Variants in GSTCD observed in about 807,000 individuals in gnomAD.
GSTCD encodes glutathione S-transferase C-terminal domain-containing protein.
A neutral mutation model predicts 68.3 loss-of-function variants in GSTCD; 44 were observed. The observed-to-expected ratio is 0.64, with a 90% CI of 0.51 to 0.83. GSTCD has a LOEUF of 0.83. GSTCD is among the 40% of genes least tolerant of loss of function. GSTCD has a pLI of 0.00. For missense variants in GSTCD, 739 were observed against 735.9 expected, an observed-to-expected ratio of 1.00 and a Z score of -0.05; for synonymous variants, 273 against 255.2, an observed-to-expected ratio of 1.07 and a Z score of -0.67.
At chr4:105,732,234 T>G (rs1176062008) in intron 5 of GSTCD, among the ~76,000 whole-genome samples, 2 of 152,228 alleles carry the variant, frequency 1.3e-5, no homozygotes, top group Non-Finnish European at 2.9e-5. Context: ...TTCCCTCTTT[T>G]GCTATTGATT....
Position 105,836,533 on chromosome 4 carries a change from T to G in GSTCD, c.1665-1326T>G, listed in dbSNP as rs145333376. On this transcript the variant is annotated intron_variant, in intron 9 of 11. Coordinates refer to ENST00000515279, the MANE Select transcript of GSTCD (RefSeq NM_001370181.1). The stretch of plus-strand genomic sequence containing the variant: ...GTGCCCATGGCACCCAGGCTGTTTG[T>G]GCCAAGGGGTGCCTGCAGGCCCATG... 5.6e-4 allele frequency among the ~76,000 whole-genome samples: 85 copies of G among 152,088 alleles called. No individual in the cohort carries two copies. The East Asian group carries it at 0.017, about 30-fold the overall frequency.
chr4:105,809,147 G>A (rs1560839590), intron 5 of GSTCD, among the ~76,000 whole-genome samples: 1 of 152,046 alleles, frequency 6.6e-6, no homozygotes, highest in Admixed American at 6.6e-5. Context: ...ATGAAGAAGG[G>A]AAAAGAATCC....
intron 5 of GSTCD, chr4:105,761,152 C>T (rs1358122647): frequency 5.6e-5 from 10 of 180,126 alleles, no homozygotes; most frequent in South Asian, 2.8e-4. Context: ...TATAGGAGCC[C>T]GCCACCATAT....
intron 11 of GSTCD, among the ~76,000 whole-genome samples, chr4:105,844,061 T>A (rs1724460093): frequency 6.6e-6 from 1 of 152,170 alleles, no homozygotes; most frequent in African/African-American, 2.4e-5. Context: ...CACTTCAACA[T>A]GTGAAAACAT....
chr4:105,726,478 T>C, intron 3 of GSTCD, 101 bp from the exon 4 acceptor site: 1 of 718,688 alleles, frequency 1.4e-6, no homozygotes, highest in Non-Finnish European at 2.2e-6. Flanking sequence ...GTTTGAACTA[T>C]ACACTTAAAT....
At chr4:105,709,995 T>C (rs867588050) in intron 1 of GSTCD, among the ~76,000 whole-genome samples, 2 of 151,880 alleles carry the variant, frequency 1.3e-5, no homozygotes, top group Admixed American at 6.6e-5. Flanking sequence ...AACTGCCTGA[T>C]GGGGAGCATA....
At chr4:105,774,834 G>A (rs1284423844) in intron 5 of GSTCD, among the ~76,000 whole-genome samples, 4 of 152,024 alleles carry the variant, frequency 2.6e-5, no homozygotes, top group African/African-American at 7.2e-5. Flanking sequence ...GTGTCTTGGG[G>A]CTACTCTTCT....
chr4:105,755,956 A>T (rs1295360949), intron 5 of GSTCD, among the ~76,000 whole-genome samples: 1 of 152,192 alleles, frequency 6.6e-6, no homozygotes, highest in East Asian at 1.9e-4. Context: ...CATGGTTCCC[A>T]CCACTGGCCA....
intron 5 of GSTCD, among the ~76,000 whole-genome samples, chr4:105,742,085 T>G (rs1279595032): frequency 6.6e-6 from 1 of 152,176 alleles, no homozygotes; most frequent in African/African-American, 2.4e-5. Flanking sequence ...AACGACTGAC[T>G]CTTTATGCTG....
At chr4:105,736,623 T>C (rs563536615) in intron 5 of GSTCD, among the ~76,000 whole-genome samples, 1 of 152,300 alleles carries the variant, frequency 6.6e-6, no homozygotes, top group African/African-American at 2.4e-5. Flanking sequence ...CAAAATCTGC[T>C]CTTCCAGCTG....
At chr4:105,792,679 T>A (rs907354192) in intron 5 of GSTCD, among the ~76,000 whole-genome samples, 6 of 152,080 alleles carry the variant, frequency 3.9e-5, no homozygotes, top group Non-Finnish European at 2.9e-5. Flanking sequence ...TAATATCATG[T>A]TGAGTAGGGT....
In GSTCD at chr4:105,846,019, A is replaced by G. The variant is rs1724532948; in HGVS notation, c.*442A>G. On this transcript the variant is annotated 3_prime_UTR_variant, in exon 12 of 12. Transcript: ENST00000515279. Reference sequence around the variant, plus strand: ...TTTTTTGTTTTTTATATTTTTAACAATTGTACTTTTTCTATCACTTTAAAA... The same window carrying G: ...TTTTTTGTTTTTTATATTTTTAACAGTTGTACTTTTTCTATCACTTTAAAA... 1 of 158,406 alleles carries G rather than the reference A, an allele frequency of 6.3e-6. No homozygotes were observed. Among genetic ancestry groups the G allele is most frequent in the Admixed American group, 6.0e-5 (1 of 16,746 alleles). 9.8% of individuals were successfully genotyped at this position (158,406 alleles called of 1,614,324 possible).
intron 7 of GSTCD, 76 bp from the exon 8 acceptor site, chr4:105,825,596 A>G: frequency 1.2e-6 from 1 of 831,244 alleles, no homozygotes; most frequent in South Asian, 1.7e-5. Context: ...TAAAGCTATG[A>G]AATATAGTGA....
At chr4:105,810,607 C>T (rs1023522663) in intron 5 of GSTCD, among the ~76,000 whole-genome samples, 2 of 152,028 alleles carry the variant, frequency 1.3e-5, no homozygotes, top group African/African-American at 4.8e-5. Flanking sequence ...TAACGGTGAA[C>T]ACTACTTATG....
chr4:105,814,147 C>G (rs1045858348), intron 5 of GSTCD, among the ~76,000 whole-genome samples: 5 of 152,190 alleles, frequency 3.3e-5, no homozygotes, highest in African/African-American at 1.2e-4. Flanking sequence ...TCAGTAGACT[C>G]AGACCTCCCA....
intron 5 of GSTCD, among the ~76,000 whole-genome samples, chr4:105,778,173 A>G (rs1735142973): frequency 6.6e-6 from 1 of 152,202 alleles, no homozygotes; most frequent in Non-Finnish European, 1.5e-5. Context: ...TAAGCTTTAC[A>G]TTAATAATAG....
intron 10 of GSTCD, 112 bp from the exon 11 acceptor site, chr4:105,841,953 A>G (rs990479760): frequency 4.4e-5 from 32 of 735,468 alleles, no homozygotes; most frequent in Middle Eastern, 2.3e-4. Flanking sequence ...TACTTTATTC[A>G]GTTAAACAAT....
chr4:105,827,448 CT>C (rs900216384), intron 8 of GSTCD, among the ~76,000 whole-genome samples: 4 of 152,118 alleles, frequency 2.6e-5, no homozygotes, highest in Admixed American at 2.6e-4. Flanking sequence ...TCTATAATGA[CT>C]TTTTTTCCTT....
chr4:105,724,324 A>C (rs1005065030), intron 3 of GSTCD, among the ~76,000 whole-genome samples: 1 of 151,852 alleles, frequency 6.6e-6, no homozygotes, highest in Non-Finnish European at 1.5e-5. Flanking sequence ...GAAAACAAAA[A>C]TATATGAGTT....
Sources: gnomAD v4.1 joint callset for allele counts (sites outside exome capture counted in the v4.1 genomes callset) on GRCh38, gnomAD v4.1.1 for gene constraint, MANE v1.5 for transcripts, NCBI Gene and HGNC (gene_info 2026-07-23, HGNC 2026-07-21) for gene names.